Variants in UBR1 observed in about 807,000 individuals in gnomAD.
UBR1 encodes the protein ubiquitin protein ligase E3 component n-recognin 1.
In UBR1, 102 loss-of-function variants were observed where a neutral mutation model predicts 242.1. That is an observed-to-expected ratio of 0.42 (90% CI 0.36 to 0.50). The LOEUF is 0.50. Among genes scored for constraint, UBR1 ranks in the 20% least tolerant of loss-of-function variants. UBR1 has a pLI of 0.01. For missense variants in UBR1, 1,772 were observed against 2,101.8 expected, an observed-to-expected ratio of 0.84 and a Z score of 3.07; for synonymous variants, 675 against 684.8, an observed-to-expected ratio of 0.99 and a Z score of 0.22.
chr15:43,059,163 A>C lies in UBR1; in HGVS notation c.1015T>G (p.Cys339Gly). 1 of 1,614,156 alleles carries C rather than the reference A, an allele frequency of 6.2e-7. No homozygotes were observed. Among genetic ancestry groups the C allele is most frequent in the Non-Finnish European group, 8.5e-7 (1 of 1,180,036 alleles). ...TCCGAGTCAGGTTCTTCTCTAAGGCATGCTTGGCAAAAGATCTGCCTAAAG... is the reference window on the plus strand; with the variant it reads ...TCCGAGTCAGGTTCTTCTCTAAGGCCTGCTTGGCAAAAGATCTGCCTAAAG... ...SDFRQIFCQA[C>G]LREEPDSENP... The change falls in exon 9 of 47, where the codon TGC becomes GGC. Residue 339 changes from cysteine to glycine, a missense_variant. Transcript: ENST00000290650.
intron 44 of UBR1, among the ~76,000 whole-genome samples, chr15:42,956,316 C>G (rs2031919955): frequency 6.6e-6 from 1 of 152,076 alleles, no homozygotes; most frequent in African/African-American, 2.4e-5. Flanking sequence ...CTGCCTGAGG[C>G]AACTTTTTTT....
chr15:42,947,638 T>C (rs915431887), intron 46 of UBR1, among the ~76,000 whole-genome samples: 4 of 151,998 alleles, frequency 2.6e-5, no homozygotes, highest in Non-Finnish European at 5.9e-5. Context: ...TATACACCAA[T>C]AACAGACAAA....
chr15:42,984,202 T>TA (rs1397012782), intron 36 of UBR1, among the ~76,000 whole-genome samples: 1 of 152,218 alleles, frequency 6.6e-6, no homozygotes, highest in Non-Finnish European at 1.5e-5. Context: ...GATTTTCTTA[T>TA]AAAAAAGTGG....
chr15:42,986,909 G>A (rs1175944161), intron 35 of UBR1, among the ~76,000 whole-genome samples: 2 of 152,202 alleles, frequency 1.3e-5, no homozygotes, highest in African/African-American at 4.8e-5. Flanking sequence ...TCCCTGGGCT[G>A]CCTCGGCCCC....
chr15:43,064,454 C>CA (rs2033728572), intron 6 of UBR1, among the ~76,000 whole-genome samples: 1 of 151,970 alleles, frequency 6.6e-6, no homozygotes, highest in Non-Finnish European at 1.5e-5. Context: ...GTCCAACAAG[C>CA]AAAGCAGTCA....
intron 12 of UBR1, among the ~76,000 whole-genome samples, chr15:43,049,257 G>A (rs1161659217): frequency 6.6e-6 from 1 of 152,154 alleles, no homozygotes; most frequent in Non-Finnish European, 1.5e-5. Flanking sequence ...GAAATTCAAT[G>A]TTAAACACTA....
At chr15:42,981,074 T>A (rs561656612) in intron 37 of UBR1, among the ~76,000 whole-genome samples, 1 of 152,086 alleles carries the variant, frequency 6.6e-6, no homozygotes, top group African/African-American at 2.4e-5. Flanking sequence ...ATTCCTGCTA[T>A]CACATTCAGA....
Position 43,007,119 on chromosome 15 carries a change from G to A in UBR1, c.3375C>T (p.Ala1125=), listed in dbSNP as rs1001394457. ...TGGGTTTTCCCCTGTGCTGGGTTAA[G>A]GCAGTAGATTTCTGGACACAGGCCG... is the stretch of plus-strand genomic sequence containing the variant. ...VLSACVQKST[A]LTQHRGKPIE... is the part of the protein sequence containing the mutation. The change falls in exon 30 of 47, where the codon GCC becomes GCT. Residue 1125 remains alanine (A), a synonymous_variant. Coordinates refer to ENST00000290650, the MANE Select transcript of UBR1 (RefSeq NM_174916.3). 2.5e-6 allele frequency: 4 copies of A among 1,613,948 alleles called. No individual in the cohort carries two copies. Among genetic ancestry groups the A allele is most frequent in the African/African-American group, 2.7e-5 (2 of 74,882 alleles).
intron 29 of UBR1, among the ~76,000 whole-genome samples, chr15:43,010,735 G>A (rs1288983811): frequency 6.6e-6 from 1 of 151,536 alleles, no homozygotes; most frequent in Non-Finnish European, 1.5e-5. Flanking sequence ...CACTCTGGGA[G>A]GCTGAAGTGG....
intron 1 of UBR1, among the ~76,000 whole-genome samples, chr15:43,102,242 A>T (rs972162218): frequency 1.3e-5 from 2 of 152,146 alleles, no homozygotes; most frequent in African/African-American, 4.8e-5. Context: ...TCTTTCTCAC[A>T]TTCATCCTCT....
At chr15:43,015,075 C>T (rs894047578) in intron 29 of UBR1, among the ~76,000 whole-genome samples, 15 of 152,142 alleles carry the variant, frequency 9.9e-5, no homozygotes, top group Middle Eastern at 6.8e-3. Context: ...GGGGGCACCT[C>T]GGCCCGGCCG....
chr15:42,947,088 T>C (rs961729914), intron 46 of UBR1, among the ~76,000 whole-genome samples: 24 of 152,082 alleles, frequency 1.6e-4, no homozygotes, highest in African/African-American at 5.8e-4. Flanking sequence ...GAGGTAGACG[T>C]TGCAGTGAGC....
intron 33 of UBR1, among the ~76,000 whole-genome samples, chr15:42,995,105 G>A (rs1377474029): frequency 6.6e-6 from 1 of 151,978 alleles, no homozygotes; most frequent in East Asian, 1.9e-4. Flanking sequence ...CGGTCACAGA[G>A]GTCCTACTGC....
In UBR1 at chr15:42,954,779, G is replaced by T. The variant is rs546717336; in HGVS notation, c.4836-2331C>A. On this transcript the variant is annotated intron_variant, in intron 44 of 46. Transcript: ENST00000290650. ...AGATAGCATTTTGCCATGTTGGCCA[G>T]GCTGGTCTCAAACTCTTGGCCTTTA... Among the ~76,000 whole-genome samples, 97 of 152,208 alleles carry T rather than the reference G, an allele frequency of 6.4e-4. No homozygotes were observed. The South Asian group carries it at 0.02, about 31-fold the overall frequency.
chr15:42,946,492 A>C (rs955726660), intron 46 of UBR1, among the ~76,000 whole-genome samples: 2 of 152,202 alleles, frequency 1.3e-5, no homozygotes, highest in Admixed American at 6.5e-5. Flanking sequence ...GGAACAACTA[A>C]GATTCTCAGT....
chr15:43,092,564 T>C (rs2034116621), intron 1 of UBR1, among the ~76,000 whole-genome samples: 1 of 152,216 alleles, frequency 6.6e-6, no homozygotes, highest in Non-Finnish European at 1.5e-5. Flanking sequence ...TATAGAATTT[T>C]TTTTTTCTAA....
chr15:43,084,720 T>C (rs1367172478), intron 2 of UBR1, among the ~76,000 whole-genome samples: 1 of 152,188 alleles, frequency 6.6e-6, no homozygotes, highest in Non-Finnish European at 1.5e-5. Context: ...CCCAAAGTGC[T>C]GGGATTACAG....
At chr15:42,960,504 T>C in intron 43 of UBR1, 141 bp downstream of exon 43, 1 of 848,258 alleles carries the variant, frequency 1.2e-6, no homozygotes. Flanking sequence ...ATCTGATTTC[T>C]GGCAAAGACC....
chr15:43,061,319 G>A (rs1353501220), intron 6 of UBR1, among the ~76,000 whole-genome samples: 1 of 152,158 alleles, frequency 6.6e-6, no homozygotes, highest in African/African-American at 2.4e-5. Context: ...CTGAAGCAAG[G>A]GGACTGCTCC....
Sources: allele counts gnomAD v4.1 joint callset (sites outside exome capture counted in the v4.1 genomes callset), GRCh38; gene constraint gnomAD v4.1.1; transcripts MANE v1.5; gene names NCBI Gene and HGNC (gene_info 2026-07-23, HGNC 2026-07-21).